The following BAIAP2 variants were observed in gnomAD, a reference collection of about 807,000 sequenced individuals.
The protein encoded by BAIAP2 is BAR/IMD domain containing adaptor protein 2.
BAIAP2 carries 18 observed loss-of-function variants against 63.0 expected under a neutral mutation model. The ratio of observed to expected loss-of-function variants is 0.29; its 90% CI spans 0.20 to 0.42. The LOEUF (loss-of-function observed/expected upper bound fraction) is 0.42, where lower values mean the gene tolerates loss of function less well. Ranked by LOEUF, BAIAP2 falls within the 10% of genes least tolerant of loss-of-function variation. The pLI, the probability that BAIAP2 is intolerant of heterozygous loss-of-function variation, is 1.00. For missense variants in BAIAP2, 610 were observed against 734.3 expected, an observed-to-expected ratio of 0.83 and a Z score of 1.96; for synonymous variants, 386 against 307.6, an observed-to-expected ratio of 1.25 and a Z score of -2.67.
intron 1 of BAIAP2, among the ~76,000 whole-genome samples, chr17:81,041,473 T>A (rs1447134248): frequency 6.6e-6 from 1 of 152,266 alleles, no homozygotes; most frequent in Non-Finnish European, 1.5e-5. Flanking sequence ...AGGGTGCTTT[T>A]GCTCTTGCTT....
At chr17:81,114,135 AATTT>A (rs1304418088) in intron 13 of BAIAP2, among the ~76,000 whole-genome samples, 3 of 131,710 alleles carry the variant, frequency 2.3e-5, no homozygotes, top group Non-Finnish European at 4.7e-5. Flanking sequence ...GCACCTGCCT[AATTT>A]TTTTTTTTTT....
rs768826195 is a variant in BAIAP2 at position 81,103,617 on chromosome 17, C to T, written c.758C>T (p.Thr253Ile). The T allele has an allele frequency of 6.2e-7, 1 of 1,605,852 alleles. No homozygotes were observed. The highest frequency in any genetic ancestry group is 1.1e-5 in the South Asian group (1 of 90,974). Residue 253 changes from threonine to isoleucine, a missense_variant, in exon 8 of 14, where the codon ACC becomes ATC. Coordinates refer to ENST00000428708, the MANE Select transcript of BAIAP2 (RefSeq NM_001144888.2). ...CAGCAGGTGGCCAGCAACGGCGCCA[C>T]CCTCCCCAGCGCCCTGTCGGCCTCC... The part of the protein sequence containing the change: ...LMQQVASNGA[T>I]LPSALSASKS...
At chr17:81,068,418 T>C (rs2070977416) in intron 3 of BAIAP2, among the ~76,000 whole-genome samples, 1 of 152,220 alleles carries the variant, frequency 6.6e-6, no homozygotes, top group Admixed American at 6.5e-5. Flanking sequence ...TGAGGGGGTC[T>C]GTCCCCGGAG....
chr17:81,116,664 TC>T lies in BAIAP2; in HGVS notation c.*827del. ...ACCTCCCCCCCCCACCTCCGCTGAC[TC>T]CTGCAGGCACTGGGGAGCTCTGCTG... On this transcript the variant is annotated 3_prime_UTR_variant, in exon 14 of 14. Coordinates refer to ENST00000428708, the MANE Select transcript of BAIAP2 (RefSeq NM_001144888.2). 3.0e-6 allele frequency: 1 copy of T among 335,480 alleles called. No individual in the cohort carries two copies. The highest frequency in any genetic ancestry group is 5.7e-6 in the Non-Finnish European group (1 of 176,256). The allele number at this position is 335,480 out of a possible 1,614,324, so 20.8% of individuals were successfully genotyped here. A position where few individuals can be genotyped will look rare whatever the true frequency, so the allele number is the denominator to read the frequency against.
chr17:81,109,048 C>T (rs1394697113), intron 13 of BAIAP2: 1 of 1,521,226 alleles, frequency 6.6e-7, no homozygotes, highest in Non-Finnish European at 8.9e-7. Context: ...CGCGCCTTCC[C>T]CCTGGTCTCG....
intron 3 of BAIAP2, among the ~76,000 whole-genome samples, chr17:81,073,735 G>A (rs534185912): frequency 6.6e-6 from 1 of 152,290 alleles, no homozygotes; most frequent in South Asian, 2.1e-4. Context: ...ATAAGAACAC[G>A]TTGTATTTTC....
intron 7 of BAIAP2, among the ~76,000 whole-genome samples, chr17:81,100,497 C>T (rs543937581): frequency 9.9e-5 from 15 of 152,238 alleles, no homozygotes; most frequent in African/African-American, 3.6e-4. Flanking sequence ...CTTCCTGTGG[C>T]CCCTCTATCC....
chr17:81,043,612 C>T (rs148748627), intron 1 of BAIAP2, among the ~76,000 whole-genome samples: 491 of 152,314 alleles, frequency 3.2e-3, no homozygotes, highest in African/African-American at 0.011. Flanking sequence ...ACTGGAGCGT[C>T]CTGGCACCCG....
At chr17:81,082,656 C>G (rs2054836418) in intron 3 of BAIAP2, among the ~76,000 whole-genome samples, 3 of 152,336 alleles carry the variant, frequency 2.0e-5, no homozygotes, top group African/African-American at 2.4e-5. Flanking sequence ...TCCCTTTCCT[C>G]TTCTCCCTCC....
At chr17:81,055,038 T>G (rs1379064859) in intron 2 of BAIAP2, among the ~76,000 whole-genome samples, 1 of 152,142 alleles carries the variant, frequency 6.6e-6, no homozygotes, top group Non-Finnish European at 1.5e-5. Context: ...GGAGATCGTG[T>G]GTTTTCCGGG....
At chr17:81,077,670 G>A (rs992122026) in intron 3 of BAIAP2, among the ~76,000 whole-genome samples, 1 of 152,234 alleles carries the variant, frequency 6.6e-6, no homozygotes, top group East Asian at 1.9e-4. Flanking sequence ...CTTCCCGCCC[G>A]TCCTGAGGCT....
intron 2 of BAIAP2, among the ~76,000 whole-genome samples, chr17:81,055,436 G>A (rs946049002): frequency 6.6e-6 from 1 of 152,122 alleles, no homozygotes; most frequent in Non-Finnish European, 1.5e-5. Flanking sequence ...CCCCATGGCT[G>A]CCCCAGCAGC....
chr17:81,114,848 G>C (rs570790518), intron 13 of BAIAP2, among the ~76,000 whole-genome samples: 1 of 152,178 alleles, frequency 6.6e-6, no homozygotes, highest in African/African-American at 2.4e-5. Context: ...CCGGCTGCCC[G>C]GGCTCTTGTG....
chr17:81,116,321 G>C lies in BAIAP2; in HGVS notation c.*482G>C, dbSNP rs372559551. The C allele has an allele frequency of 1.2e-6, 2 of 1,612,522 alleles. No homozygotes were observed. Among genetic ancestry groups the C allele is most frequent in the South Asian group, 1.1e-5 (1 of 91,084 alleles). ...TGGAAGATGAACTTCCCGTAAGCAC[G>C]TAATTCCCTGCAGGTCCGGCAGCTA... On this transcript the variant is annotated 3_prime_UTR_variant, in exon 14 of 14. Coordinates refer to ENST00000428708, the MANE Select transcript of BAIAP2 (RefSeq NM_001144888.2).
intron 6 of BAIAP2, among the ~76,000 whole-genome samples, chr17:81,097,206 G>A (rs1014735514): frequency 5.9e-5 from 9 of 152,248 alleles, no homozygotes; most frequent in African/African-American, 1.9e-4. Context: ...TAGCAAGCCC[G>A]TTGTTTTGAG....
intron 1 of BAIAP2, among the ~76,000 whole-genome samples, chr17:81,038,074 T>C (rs968899085): frequency 2.6e-5 from 4 of 151,988 alleles, no homozygotes; most frequent in Non-Finnish European, 5.9e-5. Context: ...GCCCTGCAGG[T>C]GTTGGGAGGG....
At chr17:81,047,595 GGGTC>G (rs2048009643) in intron 1 of BAIAP2, among the ~76,000 whole-genome samples, 1 of 148,620 alleles carries the variant, frequency 6.7e-6, no homozygotes, top group Non-Finnish European at 1.5e-5. Flanking sequence ...CAGCACACAC[GGGTC>G]CACGTGTGTC....
chr17:81,054,890 G>T (rs1282865025), intron 2 of BAIAP2, among the ~76,000 whole-genome samples: 1 of 152,264 alleles, frequency 6.6e-6, no homozygotes, highest in East Asian at 1.9e-4. Flanking sequence ...GGCCCCGCAG[G>T]TGCCCTTGGC....
chr17:81,057,967 G>C lies in BAIAP2; in HGVS notation c.217G>C (p.Gly73Arg). The change falls in exon 3 of 14, where the codon GGA becomes CGA. Residue 73 changes from glycine (G) to arginine (R), a missense_variant and splice_region_variant. This residue lies in a region of BAIAP2 where 389 missense variants were observed against 455.6 expected (regional missense o/e 0.85). Transcript: ENST00000428708. ...CGAGAGCCAGGGCTCCAAAGAACTC[G>C]GTGAGACCCCCCCCCCCCCCCCGCC... ...ASESQGSKEL[G>R]DVLFQMAEVH... 7.2e-7 allele frequency: 1 copy of C among 1,392,296 alleles called. No homozygotes were observed. 86.2% of individuals were successfully genotyped at this position (1,392,296 alleles called of 1,614,324 possible).
Sources: gnomAD v4.1 joint callset for allele counts (sites outside exome capture counted in the v4.1 genomes callset) on GRCh38, gnomAD v4.1.1 for gene constraint, gnomAD v4.1.1 regional missense constraint, MANE v1.5 for transcripts, NCBI Gene and HGNC (gene_info 2026-07-23, HGNC 2026-07-21) for gene names.